SLC7A5: variants seen among roughly 807,000 people sequenced by gnomAD.
SLC7A5 encodes solute carrier family 7 member 5, also known as large neutral amino acids transporter small subunit 1.
Under a neutral mutation model 50.2 loss-of-function variants are expected in SLC7A5, and 23 were observed. The ratio of observed to expected loss-of-function variants is 0.46; its 90% CI spans 0.33 to 0.65. SLC7A5 has a LOEUF of 0.65. SLC7A5 is among the 30% of genes least tolerant of loss of function. SLC7A5 has a pLI of 0.02. For missense variants in SLC7A5, 578 were observed against 684.4 expected (o/e 0.84, Z 1.73); for synonymous variants, 393 against 330.6 (o/e 1.19, Z -2.05).
chr16:87,855,737 G>A (rs2055309213), intron 1 of SLC7A5, among the ~76,000 whole-genome samples: 2 of 151,996 alleles, frequency 1.3e-5, no homozygotes, highest in Admixed American at 6.5e-5. Context: ...GGTGGGGGAA[G>A]GGCCAGTAAC....
chr16:87,840,129 T>C (rs1405790405), intron 4 of SLC7A5, among the ~76,000 whole-genome samples: 2 of 152,184 alleles, frequency 1.3e-5, no homozygotes, highest in East Asian at 3.9e-4. Context: ...TGGTCTGAAT[T>C]CTAAGGCTCT....
chr16:87,846,434 C>T (rs1349776432), intron 2 of SLC7A5, among the ~76,000 whole-genome samples: 1 of 152,208 alleles, frequency 6.6e-6, no homozygotes, highest in Non-Finnish European at 1.5e-5. Context: ...GAGCGGGGCC[C>T]GAAGCTCCAT....
intron 2 of SLC7A5, among the ~76,000 whole-genome samples, chr16:87,846,488 G>C (rs893299811): frequency 1.5e-4 from 23 of 152,250 alleles, no homozygotes; most frequent in Admixed American, 1.2e-3. Context: ...ACCCCGGTGT[G>C]GCTGTACGTG....
In SLC7A5 at chr16:87,850,967, G is replaced by A. The variant is rs557218515; in HGVS notation, c.664+757C>T. ...ACAGAGAACACAGGTGCAAAGGGGCGGGGGCTGTTTCACACTCACTCTCTT... is the reference window on the plus strand; with the variant it reads ...ACAGAGAACACAGGTGCAAAGGGGCAGGGGCTGTTTCACACTCACTCTCTT... On this transcript the variant is annotated intron_variant, in intron 2 of 9. Coordinates refer to ENST00000261622, the MANE Select transcript of SLC7A5 (RefSeq NM_003486.7). 9.9e-5 allele frequency among the ~76,000 whole-genome samples: 15 copies of A among 152,260 alleles called. No individual in the cohort carries two copies. The Middle Eastern group carries it at 0.014, about 138-fold the overall frequency.
At chr16:87,836,159 C>T (rs958773365) in intron 8 of SLC7A5, among the ~76,000 whole-genome samples, 2 of 152,234 alleles carry the variant, frequency 1.3e-5, no homozygotes, top group Non-Finnish European at 2.9e-5. Context: ...CCCGACGGCC[C>T]TTTGAATGCT....
intron 1 of SLC7A5, among the ~76,000 whole-genome samples, chr16:87,854,223 C>T (rs930971028): frequency 2.6e-5 from 4 of 151,998 alleles, no homozygotes; most frequent in Admixed American, 6.6e-5. Flanking sequence ...GACAGACAGG[C>T]GGGGGCCGGG....
In SLC7A5 at chr16:87,838,920, C is replaced by G. The variant is rs2055047258; in HGVS notation, c.940-103G>C. The G allele has an allele frequency of 6.0e-6, 5 of 831,058 alleles. No homozygotes were observed. In the South Asian group the frequency reaches 6.9e-5, roughly 12 times the overall value. The allele number at this position is 831,058 out of a possible 1,614,324, so 51.5% of individuals were successfully genotyped here. ...ACCGGGCCAGCCCTCGCCCTCTGTG[C>G]TCACAAGAGCCCTCTGCAGAGGACC... On this transcript the variant is annotated intron_variant, in intron 5 of 9. Transcript: ENST00000261622.
At chr16:87,855,743 G>C (rs2055309415) in intron 1 of SLC7A5, among the ~76,000 whole-genome samples, 1 of 152,034 alleles carries the variant, frequency 6.6e-6, no homozygotes, top group African/African-American at 2.4e-5. Flanking sequence ...GGAAGGGCCA[G>C]TAACAGGTGT....
chr16:87,857,823 C>T (rs556524238), intron 1 of SLC7A5, among the ~76,000 whole-genome samples: 1 of 152,332 alleles, frequency 6.6e-6, no homozygotes, highest in South Asian at 2.1e-4. Flanking sequence ...TACTTTTTTC[C>T]ATTTTTAACC....
At chr16:87,835,108 A>G (rs964025563) in intron 8 of SLC7A5, among the ~76,000 whole-genome samples, 1 of 152,260 alleles carries the variant, frequency 6.6e-6, no homozygotes, top group Non-Finnish European at 1.5e-5. Flanking sequence ...AGGAGCCTGC[A>G]GGCCGCAACC....
At chr16:87,836,868 G>A (rs949341113) in intron 7 of SLC7A5, 1 of 562,414 alleles carries the variant, frequency 1.8e-6, no homozygotes, top group Non-Finnish European at 3.2e-6. Flanking sequence ...GAGGAGGGAA[G>A]GAGGGAGGAG....
Position 87,864,896 on chromosome 16 carries a change from G to T in SLC7A5, c.538+3989C>A, listed in dbSNP as rs534380789. Among the ~76,000 whole-genome samples, 5 of 152,330 alleles carry T rather than the reference G, an allele frequency of 3.3e-5. No individual in the cohort carries two copies. In the East Asian group the frequency reaches 9.6e-4, roughly 29 times the overall value. ...ACAAGCTAGCTAGGTAAACTACGCT[G>T]CCTTTCTTTTATCACTATTTTTATT... On this transcript the variant is annotated intron_variant, in intron 1 of 9. Coordinates refer to ENST00000261622, the MANE Select transcript of SLC7A5 (RefSeq NM_003486.7).
intron 1 of SLC7A5, chr16:87,863,549 T>C (rs1363652567): frequency 6.6e-6 from 1 of 152,156 alleles, no homozygotes; most frequent in African/African-American, 2.4e-5. Flanking sequence ...AAGTTCCATA[T>C]GGCCATCCAG....
Position 87,860,653 on chromosome 16 carries a change from T to C in SLC7A5, c.538+8232A>G, listed in dbSNP as rs1183447033. On this transcript the variant is annotated intron_variant, in intron 1 of 9. Transcript: ENST00000261622. This position sits in a 1 kb window ranked among gnomAD's most constrained non-coding sequence, Gnocchi z 4.8. ...TCCGGATAAATCTCTTCAAACATTT[T>C]ACAGAGTCTGGCTTTCTCGTTAACA... is the stretch of plus-strand genomic sequence containing the variant. 6.6e-6 allele frequency among the ~76,000 whole-genome samples: 1 copy of C among 152,190 alleles called. No individual in the cohort carries two copies. The highest frequency in any genetic ancestry group is 1.5e-5 in the Non-Finnish European group (1 of 68,028).
intron 8 of SLC7A5, among the ~76,000 whole-genome samples, chr16:87,835,609 A>G (rs908348221): frequency 1.3e-5 from 2 of 152,136 alleles, no homozygotes; most frequent in Non-Finnish European, 2.9e-5. Flanking sequence ...GAGTAGCTGC[A>G]ACTATAGGCG....
intron 1 of SLC7A5, among the ~76,000 whole-genome samples, chr16:87,863,295 C>T (rs548364446): frequency 5.5e-4 from 84 of 152,224 alleles, no homozygotes; most frequent in African/African-American, 1.8e-3. Context: ...ACTGAGAACT[C>T]GCCTGGATCA....
At position 87,834,550 on chromosome 16, in the gene SLC7A5, G is replaced by T; in HGVS notation, c.1332C>A (p.Leu444=). The change falls in exon 9 of 10, where the codon CTC becomes CTA. Residue 444 remains leucine, a synonymous_variant. Transcript: ENST00000261622. ...TCCAGAAGGAGACGGCGATCAGGAA[G>T]AGGCAGGCCAGGATGAAGAACACAG... ...ALPVFFILAC[L]FLIAVSFWKT... The T allele has an allele frequency of 6.3e-6, 10 of 1,599,380 alleles. No homozygotes were observed. Among genetic ancestry groups the T allele is most frequent in the Non-Finnish European group, 8.5e-6 (10 of 1,174,650 alleles).
chr16:87,838,411 C>A (rs2055039702), intron 6 of SLC7A5, among the ~76,000 whole-genome samples: 1 of 151,910 alleles, frequency 6.6e-6, no homozygotes, highest in African/African-American at 2.4e-5. Context: ...TCGACCTCAG[C>A]CCCCCAAGTA....
intron 1 of SLC7A5, among the ~76,000 whole-genome samples, chr16:87,866,560 G>A (rs34594192): frequency 6.6e-6 from 1 of 152,116 alleles, no homozygotes. Flanking sequence ...CCACCTCCTG[G>A]GTTCTAGTGA....
Sources: allele counts gnomAD v4.1 joint callset (sites outside exome capture counted in the v4.1 genomes callset), GRCh38; gene constraint gnomAD v4.1.1; non-coding constraint Gnocchi (gnomAD v3.1); transcripts MANE v1.5; gene names NCBI Gene and HGNC (gene_info 2026-07-23, HGNC 2026-07-21).